PALLD: variants seen among roughly 807,000 people sequenced by gnomAD.
The protein encoded by PALLD is palladin.
In PALLD, 61 loss-of-function variants were observed where a neutral mutation model predicts 123.5. The observed-to-expected ratio is 0.49, with a 90% confidence interval of 0.40 to 0.61. The LOEUF is 0.61. Among genes scored for constraint, PALLD ranks in the 20% least tolerant of loss-of-function variants. PALLD has a pLI of 0.00. For missense variants in PALLD, 1,273 were observed against 1,377.0 expected, an observed-to-expected ratio of 0.92 and a Z score of 1.20; for synonymous variants, 465 against 496.4, an observed-to-expected ratio of 0.94 and a Z score of 0.84.
At chr4:168,885,147 G>T (rs1199945037) in intron 10 of PALLD, among the ~76,000 whole-genome samples, 1 of 152,098 alleles carries the variant, frequency 6.6e-6, no homozygotes, top group Non-Finnish European at 1.5e-5. Flanking sequence ...TCTTTCAAGG[G>T]CTTATAACTT....
At position 168,749,351 on chromosome 4, in the gene PALLD, C is replaced by T. The variant is rs147833706; in HGVS notation, c.1964+37428C>T. Reference sequence around the variant, plus strand: ...GTAGTCCTTTATAGAAACACAAGAACGGCCTAACACACTACATAATGTAAC... The same window carrying T: ...GTAGTCCTTTATAGAAACACAAGAATGGCCTAACACACTACATAATGTAAC... On this transcript the variant is annotated intron_variant, in intron 10 of 21. Transcript: ENST00000505667. Among the ~76,000 whole-genome samples the T allele has an allele frequency of 2.0e-4, 31 of 151,622 alleles. No homozygotes were observed. In the East Asian group the frequency reaches 5.4e-3, roughly 27 times the overall value.
chr4:168,651,948 AT>A (rs1020002076), intron 2 of PALLD, among the ~76,000 whole-genome samples: 1 of 151,934 alleles, frequency 6.6e-6, no homozygotes, highest in Non-Finnish European at 1.5e-5. Context: ...GTTTTTTTGT[AT>A]TTGTTTGTTT....
At chr4:168,807,064 C>T (rs937328726) in intron 10 of PALLD, among the ~76,000 whole-genome samples, 93 of 151,866 alleles carry the variant, frequency 6.1e-4, no homozygotes, top group African/African-American at 2.1e-3. Flanking sequence ...ATACCCAGGG[C>T]GATGAGAGCC....
At chr4:168,925,512 A>T (rs750021499) in intron 21 of PALLD, 1 of 516,690 alleles carries the variant, frequency 1.9e-6, no homozygotes, top group Non-Finnish European at 3.5e-6. Context: ...TGTTCCATTG[A>T]TCCTGGAATG....
intron 10 of PALLD, among the ~76,000 whole-genome samples, chr4:168,812,216 T>G (rs563695945): frequency 1.3e-5 from 2 of 152,196 alleles, no homozygotes; most frequent in Admixed American, 6.5e-5. Context: ...TAACCACAAA[T>G]TGTGGCCTGG....
intron 10 of PALLD, among the ~76,000 whole-genome samples, chr4:168,740,498 T>C (rs2150345246): frequency 6.6e-6 from 1 of 152,342 alleles, no homozygotes; most frequent in Admixed American, 6.5e-5. Context: ...CTGTGGTTTT[T>C]TTTCTGAGCT....
At chr4:168,647,637 T>G (rs552779896) in intron 2 of PALLD, among the ~76,000 whole-genome samples, 4 of 151,924 alleles carry the variant, frequency 2.6e-5, no homozygotes, top group African/African-American at 7.2e-5. Context: ...AAAAATTAGC[T>G]GGGCATGGTA....
intron 8 of PALLD, among the ~76,000 whole-genome samples, chr4:168,701,256 G>A (rs1375452148): frequency 6.6e-6 from 1 of 152,268 alleles, no homozygotes; most frequent in Non-Finnish European, 1.5e-5. Context: ...GGCTTCACAA[G>A]GAGCTGCCCC....
intron 2 of PALLD, among the ~76,000 whole-genome samples, chr4:168,592,241 G>A (rs183366999): frequency 5.3e-5 from 8 of 151,844 alleles, no homozygotes; most frequent in Admixed American, 1.3e-4. Context: ...GGTCAGGCTC[G>A]TGTCGAACTC....
At chr4:168,808,296 T>C (rs1043300015) in intron 10 of PALLD, among the ~76,000 whole-genome samples, 19 of 151,470 alleles carry the variant, frequency 1.3e-4, no homozygotes, top group African/African-American at 2.9e-4. Context: ...CTGGCTAACA[T>C]GGTGAAACCC....
At chr4:168,590,290 C>A (rs1771270394) in intron 2 of PALLD, among the ~76,000 whole-genome samples, 1 of 152,204 alleles carries the variant, frequency 6.6e-6, no homozygotes, top group Non-Finnish European at 1.5e-5. Flanking sequence ...TGCAGTTAGC[C>A]AAGATTGCGC....
At chr4:168,709,199 G>A (rs1410045226) in intron 9 of PALLD, 52 bp downstream of exon 9, 1 of 1,600,888 alleles carries the variant, frequency 6.2e-7, no homozygotes, top group Non-Finnish European at 8.5e-7. Flanking sequence ...GCACCAGTGT[G>A]GATGGCCACA....
intron 10 of PALLD, among the ~76,000 whole-genome samples, chr4:168,773,380 C>A (rs1300909607): frequency 1.3e-5 from 2 of 152,182 alleles, no homozygotes; most frequent in Non-Finnish European, 2.9e-5. Context: ...GTCTGGACTA[C>A]AAGCAGGTCT....
chr4:168,832,851 G>C (rs980387187), intron 10 of PALLD: 1 of 152,252 alleles, frequency 6.6e-6, no homozygotes, highest in East Asian at 1.9e-4. Flanking sequence ...GCGTGGAGCC[G>C]GCGGCTCAGT....
chr4:168,780,141 C>T (rs538433333), intron 10 of PALLD, among the ~76,000 whole-genome samples: 26 of 152,248 alleles, frequency 1.7e-4, no homozygotes, highest in African/African-American at 5.8e-4. Flanking sequence ...TCAAGTGATT[C>T]GCCCACCTTG....
At chr4:168,891,142 TTTGTC>T (rs1443764374) in intron 11 of PALLD, 85 bp downstream of exon 11, 1 of 1,330,366 alleles carries the variant, frequency 7.5e-7, no homozygotes, top group Non-Finnish European at 1.1e-6. Context: ...GTTCTTGATA[TTTGTC>T]CACAACATCA....
At chr4:168,631,947 T>C (rs1369090175) in intron 2 of PALLD, 2 of 976,498 alleles carry the variant, frequency 2.0e-6, no homozygotes, top group Non-Finnish European at 2.4e-6. Context: ...AAATAAAGCT[T>C]TGCAGCCTTT....
intron 2 of PALLD, among the ~76,000 whole-genome samples, chr4:168,600,251 G>C (rs980789687): frequency 6.6e-6 from 1 of 152,130 alleles, no homozygotes; most frequent in Non-Finnish European, 1.5e-5. Context: ...TATTTATACA[G>C]ATTTTTCAAC....
intron 2 of PALLD, among the ~76,000 whole-genome samples, chr4:168,609,225 A>G (rs950553626): frequency 6.6e-6 from 1 of 151,930 alleles, no homozygotes; most frequent in African/African-American, 2.4e-5. Flanking sequence ...TTACTATAAC[A>G]AGAAGTCTGG....
Sources: gnomAD v4.1 joint callset for allele counts (sites outside exome capture counted in the v4.1 genomes callset) on GRCh38, gnomAD v4.1.1 for gene constraint, MANE v1.5 for transcripts, NCBI Gene and HGNC (gene_info 2026-07-23, HGNC 2026-07-21) for gene names.